The following PGAP6 variants were observed in gnomAD, a reference collection of about 807,000 sequenced individuals.
The protein encoded by PGAP6 is post-GPI attachment to proteins factor 6.
A neutral mutation model predicts 68.4 loss-of-function variants in PGAP6; 62 were observed. The ratio of observed to expected loss-of-function variants is 0.91; its 90% CI spans 0.74 to 1.12. PGAP6 has a LOEUF of 1.12. Among genes scored for constraint, PGAP6 ranks in the 50% most tolerant of loss-of-function variants. The probability of loss-of-function intolerance (pLI) is 0.00; values close to 1 mark genes in which losing one functional copy is unlikely to be tolerated. For missense variants in PGAP6, 1,188 were observed against 1,068.5 expected, an observed-to-expected ratio of 1.11 and a Z score of -1.56; for synonymous variants, 575 against 474.0, an observed-to-expected ratio of 1.21 and a Z score of -2.77.
chr16:377,630 C>G (rs1253249963), intron 2 of PGAP6, 41 bp downstream of exon 2: 1 of 1,570,004 alleles, frequency 6.4e-7, no homozygotes, highest in Non-Finnish European at 8.6e-7. Flanking sequence ...AGGGCTTGGC[C>G]AGGCGCGGGA....
chr16:385,790 A>T (rs1331707298), upstream of PGAP6, among the ~76,000 whole-genome samples: 2 of 150,480 alleles, frequency 1.3e-5, no homozygotes, highest in African/African-American at 4.9e-5. Flanking sequence ...ACACCCGGCT[A>T]ATTTTTTGTA....
rs752552615 is a variant in PGAP6, at chr16:377,029, C to G, written c.635+8G>C. On this transcript the variant is annotated splice_region_variant and intron_variant, in intron 4 of 12. Coordinates refer to ENST00000431232, the MANE Select transcript of PGAP6 (RefSeq NM_021259.3). ...CAGAGCCGGGCTGCCCCCCAGGCCC[C>G]CGCTCACTTGAGGTAGCTGGGATGG... 1 of 1,612,500 alleles carries G rather than the reference C, an allele frequency of 6.2e-7. No individual in the cohort carries two copies. The highest frequency in any genetic ancestry group is 8.5e-7 in the Non-Finnish European group (1 of 1,179,806).
chr16:375,533 C>G, intron 6 of PGAP6, 98 bp from the exon 7 acceptor site: 1 of 751,372 alleles, frequency 1.3e-6, no homozygotes, highest in Non-Finnish European at 2.1e-6. Context: ...TGGTGCCTTT[C>G]TTTTTTTTTT....
upstream of PGAP6, chr16:382,080 G>T: frequency 2.9e-6 from 1 of 347,626 alleles, no homozygotes. Context: ...GGGGTCACGT[G>T]GGGCGCCGGT....
At chr16:386,890 C>T (rs781293011), upstream of PGAP6, 24 of 629,788 alleles carry the variant, frequency 3.8e-5, no homozygotes, top group Non-Finnish European at 6.3e-5. Flanking sequence ...ACCCGCACGT[C>T]ACTCACCTTC....
Position 371,913 on chromosome 16 carries a change from G to A in PGAP6, c.*74C>T. On this transcript the variant is annotated 3_prime_UTR_variant, in exon 13 of 13. Transcript: ENST00000431232. ...CTGGAAATCAATCTGTCCAGGGCTGGACCAGGCGCCTCCCCCTCGATACAG... is the reference window on the plus strand; with the variant it reads ...CTGGAAATCAATCTGTCCAGGGCTGAACCAGGCGCCTCCCCCTCGATACAG... 1 of 1,514,660 alleles carries A rather than the reference G, an allele frequency of 6.6e-7. No homozygotes were observed. The highest frequency in any genetic ancestry group is 9.0e-7 in the Non-Finnish European group (1 of 1,112,086). 93.8% of individuals were successfully genotyped at this position (1,514,660 alleles called of 1,614,324 possible).
chr16:372,810 A>G, intron 11 of PGAP6, 83 bp from the exon 12 acceptor site: 1 of 972,890 alleles, frequency 1.0e-6, no homozygotes. Context: ...ACGGCCCCAC[A>G]GCACCTCTGC....
rs548358622 is a variant in PGAP6, at chr16:377,672, C to G, written c.298G>C (p.Val100Leu). The change falls in exon 2 of 13, where the codon GTG becomes CTG. Residue 100 changes from valine (V) to leucine (L), a missense_variant and splice_region_variant. Physicochemically the swap from Val to Leu is conservative, Grantham distance 32. Coordinates refer to ENST00000431232, the MANE Select transcript of PGAP6 (RefSeq NM_021259.3). ...GAACTDAEIT[V>L]HFRSGAPPVI... ...GCAGGCGGGCGGGCAGCCACCTACA[C>G]GGTGATCTCCGCGTCGGTGCAGGCA... is the stretch of plus-strand genomic sequence containing the variant. 1.4e-5 allele frequency: 22 copies of G among 1,580,590 alleles called. No homozygotes were observed. The highest frequency in any genetic ancestry group is 1.7e-4 in the Middle Eastern group (1 of 5,946).
At chr16:381,025 C>A (rs2054432822) in intron 1 of PGAP6, among the ~76,000 whole-genome samples, 1 of 152,264 alleles carries the variant, frequency 6.6e-6, no homozygotes, top group Non-Finnish European at 1.5e-5. Flanking sequence ...GGAAGGGCTA[C>A]GCCTTCTCCC....
At chr16:377,232 A>G in intron 3 of PGAP6, 68 bp from the exon 4 acceptor site, 1 of 1,605,568 alleles carries the variant, frequency 6.2e-7, no homozygotes, top group South Asian at 1.1e-5. Flanking sequence ...TGGTCTCACC[A>G]GACGCCCCCG....
chr16:384,582 G>A (rs1014672009), upstream of PGAP6, among the ~76,000 whole-genome samples: 17 of 152,206 alleles, frequency 1.1e-4, no homozygotes, highest in Admixed American at 4.6e-4. Flanking sequence ...AGGGCCGGGC[G>A]CGGTGTCTCA....
rs373937118 is a variant in PGAP6 at position 373,410 on chromosome 16, G to A, written c.1902+595C>T. 4.4e-4 allele frequency among the ~76,000 whole-genome samples: 67 copies of A among 152,296 alleles called. 1 individual carries two copies. Among genetic ancestry groups the A allele is most frequent in the African/African-American group, 1.5e-3 (62 of 41,572 alleles). ...CCCCAAGGACCCAGGGAGCATGGGT[G>A]GGGGCTTCTCGAAGGCAGGGGGCCT... On this transcript the variant is annotated intron_variant, in intron 11 of 12. Transcript: ENST00000431232.
chr16:385,502 G>A (rs1207344009), upstream of PGAP6, among the ~76,000 whole-genome samples: 9 of 149,680 alleles, frequency 6.0e-5, no homozygotes, highest in South Asian at 2.1e-4. Flanking sequence ...TAGTAGAGAT[G>A]GGATTTCACC....
In PGAP6 at chr16:376,788, C is replaced by T. The variant is rs774182797; in HGVS notation, c.660G>A (p.Arg220=). ...YLKVFVPDYT[R]ELLLELRDCV... Reference sequence around the variant, plus strand: ...AGTCCCGCAGCTCCAGCAGAAGCTCCCGCGTGTAATCGGGGACAAAGACCC... The same window carrying T: ...AGTCCCGCAGCTCCAGCAGAAGCTCTCGCGTGTAATCGGGGACAAAGACCC... The change falls in exon 5 of 13, where the codon CGG becomes CGA. Residue 220 remains arginine (R), a synonymous_variant. Transcript: ENST00000431232. 6.2e-7 allele frequency: 1 copy of T among 1,608,870 alleles called. No individual in the cohort carries two copies. Among genetic ancestry groups the T allele is most frequent in the Non-Finnish European group, 8.5e-7 (1 of 1,179,924 alleles).
upstream of PGAP6, among the ~76,000 whole-genome samples, chr16:383,617 G>C (rs577160646): frequency 4.5e-4 from 69 of 152,372 alleles, no homozygotes; most frequent in Non-Finnish European, 6.5e-4. Context: ...TGCAGCAGTA[G>C]CTGCAAGAAA....
rs904608660 is a variant in PGAP6 at position 372,036 on chromosome 16, T to C, written c.2267A>G (p.His756Arg). 16 of 1,612,702 alleles carry C rather than the reference T, an allele frequency of 9.9e-6. 2 individuals are homozygous for C. In the Middle Eastern group the frequency reaches 2.5e-3, roughly 249 times the overall value. The change falls in exon 13 of 13, where the codon CAC becomes CGC. Residue 756 changes from histidine (H) to arginine (R), a missense_variant. His to Arg is a conservative substitution (Grantham distance 29). Coordinates refer to ENST00000431232, the MANE Select transcript of PGAP6 (RefSeq NM_021259.3). ...CCGATCGTTCTTGCAGATCTGATAG[T>C]GGCAGGGGAATTTCTGCGAGCAGGC... ...PWACSQKFPC[H>R]YQICKNDREE... is the part of the protein sequence containing the mutation.
At chr16:375,937 C>T (rs61292086) in intron 6 of PGAP6, among the ~76,000 whole-genome samples, 199 bp downstream of exon 6, 6,947 of 152,322 alleles carry the variant, frequency 0.046, 347 homozygotes, top group African/African-American at 0.11. Context: ...CCCGAGCTAC[C>T]CCACAGCCCC....
At chr16:379,333 C>T (rs535216010) in intron 1 of PGAP6, among the ~76,000 whole-genome samples, 4 of 152,218 alleles carry the variant, frequency 2.6e-5, no homozygotes, top group African/African-American at 9.6e-5. Flanking sequence ...ATACACCTGC[C>T]AATAGCAGCC....
chr16:386,917 TGCGACGCCGGAGGCG>T (rs2054489312), upstream of PGAP6: 1 of 600,782 alleles, frequency 1.7e-6, no homozygotes, highest in Non-Finnish European at 3.2e-6. Flanking sequence ...CCCAAGACAC[TGCGACGCCGGAGGCG>T]GCCTGAATAT....
Sources: allele counts gnomAD v4.1 joint callset (sites outside exome capture counted in the v4.1 genomes callset), GRCh38; gene constraint gnomAD v4.1.1; transcripts MANE v1.5; gene names NCBI Gene and HGNC (gene_info 2026-07-23, HGNC 2026-07-21).